DGKB: variants seen among roughly 807,000 people sequenced by gnomAD.
DGKB encodes 90 kDa diacylglycerol kinase.
In DGKB, 67 loss-of-function variants were observed where a neutral mutation model predicts 114.3. The ratio of observed to expected loss-of-function variants is 0.59; its 90% CI spans 0.48 to 0.72. The LOEUF (loss-of-function observed/expected upper bound fraction) is 0.72. Among genes scored for constraint, DGKB ranks in the 30% least tolerant of loss-of-function variants. The probability of loss-of-function intolerance (pLI) is 0.00; values close to 1 mark genes in which losing one functional copy is unlikely to be tolerated. For synonymous variants in DGKB, 398 were observed against 323.1 expected (o/e 1.23, Z -2.49); for missense variants, 907 against 975.2 (o/e 0.93, Z 0.93).
chr7:14,694,808 T>A (rs370420026), intron 8 of DGKB, among the ~76,000 whole-genome samples: 12 of 152,194 alleles, frequency 7.9e-5, no homozygotes, highest in African/African-American at 2.9e-4. Context: ...GTTGTGAGGA[T>A]TAAATAAGCT....
intron 6 of DGKB, among the ~76,000 whole-genome samples, chr7:14,705,594 C>A (rs1268925087): frequency 6.7e-6 from 1 of 149,556 alleles, no homozygotes; most frequent in East Asian, 2.0e-4. Flanking sequence ...AAAGGGAAGC[C>A]CATCAGACTA....
intron 20 of DGKB, among the ~76,000 whole-genome samples, chr7:14,530,246 C>T (rs1472359203): frequency 2.0e-5 from 3 of 151,460 alleles, no homozygotes; most frequent in South Asian, 4.1e-4. Flanking sequence ...ATTATATACA[C>T]TGTTTTACGA....
At chr7:14,672,520 G>T (rs1340508136) in intron 13 of DGKB, among the ~76,000 whole-genome samples, 1 of 151,706 alleles carries the variant, frequency 6.6e-6, no homozygotes, top group Non-Finnish European at 1.5e-5. Flanking sequence ...ATCATTTTAG[G>T]TAGCCTCTAA....
chr7:14,284,869 G>T lies in DGKB; in HGVS notation c.2122+53646C>A, dbSNP rs36189122. ...CACTCTGGGGACTGTTTTGGGGTGG[G>T]GGGAGGGGGGAGGGATAGCATTGGG... On this transcript the variant is annotated intron_variant, in intron 23 of 25. Coordinates refer to ENST00000402815, the MANE Select transcript of DGKB (RefSeq NM_001350709.2). 9.7e-3 allele frequency among the ~76,000 whole-genome samples: 1,112 copies of T among 114,508 alleles called. 4 individuals carry two copies. Among genetic ancestry groups the T allele is most frequent in the Non-Finnish European group, 0.014 (822 of 57,704 alleles). 75.1% of individuals were successfully genotyped at this position (114,508 alleles called of 152,430 possible).
At chr7:14,179,866 G>C (rs973975561) in intron 23 of DGKB, among the ~76,000 whole-genome samples, 1 of 152,132 alleles carries the variant, frequency 6.6e-6, no homozygotes, top group South Asian at 2.1e-4. Context: ...CCACCTTGCT[G>C]TTCTAAACCC....
At chr7:14,311,953 G>A (rs1021149782) in intron 23 of DGKB, among the ~76,000 whole-genome samples, 1 of 152,048 alleles carries the variant, frequency 6.6e-6, no homozygotes, top group African/African-American at 2.4e-5. Flanking sequence ...TATGACAGTG[G>A]ATAACTGTAA....
intron 17 of DGKB, among the ~76,000 whole-genome samples, chr7:14,584,534 C>G (rs868808734): frequency 2.6e-5 from 4 of 152,246 alleles, no homozygotes; most frequent in South Asian, 4.1e-4. Context: ...TGTAAAATCA[C>G]ACTTCCCTGT....
intron 23 of DGKB, among the ~76,000 whole-genome samples, chr7:14,257,087 C>A (rs2128402791): frequency 6.6e-6 from 1 of 152,204 alleles, no homozygotes; most frequent in East Asian, 1.9e-4. Context: ...TAATTGAACA[C>A]AGGAATTCAA....
chr7:14,544,996 T>TA (rs1794057610), intron 20 of DGKB, among the ~76,000 whole-genome samples: 1 of 152,084 alleles, frequency 6.6e-6, no homozygotes, highest in African/African-American at 2.4e-5. Flanking sequence ...GTTTTTTTTT[T>TA]TAAAAAACAG....
chr7:14,358,415 T>C (rs1291295447), intron 21 of DGKB, among the ~76,000 whole-genome samples: 1 of 152,190 alleles, frequency 6.6e-6, no homozygotes, highest in African/African-American at 2.4e-5. Context: ...CACGTAGTTC[T>C]CGTGCCATGG....
At chr7:14,901,605 A>ACCCCCCCCCCCCCCCCCCCCTCCC (rs1300363624) in intron 1 of DGKB, among the ~76,000 whole-genome samples, 3 of 123,094 alleles carry the variant, frequency 2.4e-5, no homozygotes, top group Non-Finnish European at 3.4e-5. Context: ...AGGGATTTCC[A>ACCCCCCCCCCCCCCCCCCCCTCCC]CCCCCCCCCA....
intron 1 of DGKB, among the ~76,000 whole-genome samples, chr7:14,964,873 C>T (rs1033428942): frequency 6.6e-6 from 1 of 151,984 alleles, no homozygotes; most frequent in East Asian, 1.9e-4. Flanking sequence ...GTGACTGAAA[C>T]CCAACTAAGA....
intron 1 of DGKB, among the ~76,000 whole-genome samples, chr7:14,873,618 A>C (rs1852806597): frequency 6.6e-6 from 1 of 152,034 alleles, no homozygotes; most frequent in South Asian, 2.1e-4. Context: ...ATCTCCATTA[A>C]CTTCTTATTA....
intron 20 of DGKB, among the ~76,000 whole-genome samples, chr7:14,516,378 G>T (rs773131096): frequency 6.6e-6 from 1 of 152,076 alleles, no homozygotes; most frequent in Admixed American, 6.6e-5. Flanking sequence ...ATACTTTCTT[G>T]CCTAGTTGAA....
intron 21 of DGKB, among the ~76,000 whole-genome samples, chr7:14,455,688 G>A (rs1832183853): frequency 6.6e-6 from 1 of 151,950 alleles, no homozygotes; most frequent in African/African-American, 2.4e-5. Context: ...AATTGAGTCG[G>A]AACATTTAAA....
chr7:14,314,263 C>G (rs560863457), intron 23 of DGKB, among the ~76,000 whole-genome samples: 1 of 151,710 alleles, frequency 6.6e-6, no homozygotes, highest in African/African-American at 2.4e-5. Context: ...TCACCAGCAA[C>G]GGAACAAAGC....
chr7:14,892,617 C>T (rs986703162), intron 1 of DGKB, among the ~76,000 whole-genome samples: 1 of 150,830 alleles, frequency 6.6e-6, no homozygotes, highest in Non-Finnish European at 1.5e-5. Context: ...CTCCACCTGC[C>T]CCCACAATAC....
At chr7:14,351,995 C>T (rs185104180) in intron 21 of DGKB, among the ~76,000 whole-genome samples, 11 of 151,996 alleles carry the variant, frequency 7.2e-5, no homozygotes, top group African/African-American at 1.7e-4. Context: ...ATATTCACAC[C>T]GAAGAAGGCA....
rs1011762701 is a variant in DGKB, at chr7:14,722,742, G to A, written c.323-4057C>T. Among the ~76,000 whole-genome samples the A allele has an allele frequency of 2.0e-5, 3 of 152,116 alleles. No homozygotes were observed. In the East Asian group the frequency reaches 5.8e-4, roughly 29 times the overall value. On this transcript the variant is annotated intron_variant, in intron 5 of 25. Transcript: ENST00000402815. The stretch of plus-strand genomic sequence containing the variant: ...CAGGAGAATCGCTGGAACCCAGGAG[G>A]TGGAGGTTGCAGTGAGCCAAGATCA...
Sources: allele counts gnomAD v4.1 joint callset (sites outside exome capture counted in the v4.1 genomes callset), GRCh38; gene constraint gnomAD v4.1.1; transcripts MANE v1.5; gene names NCBI Gene and HGNC (gene_info 2026-07-23, HGNC 2026-07-21).